The following KANK1 variants were observed in gnomAD, a reference collection of about 807,000 sequenced individuals.
The protein encoded by KANK1 is KN motif and ankyrin repeat domains 1.
KANK1 carries 109 observed loss-of-function variants against 106.2 expected under a neutral mutation model. The ratio of observed to expected loss-of-function variants is 1.03; its 90% CI spans 0.88 to 1.20. KANK1 has a LOEUF of 1.20. Ranked by LOEUF, KANK1 falls within the 50% of genes most tolerant of loss-of-function variation. The probability of loss-of-function intolerance (pLI) is 0.00; values close to 1 mark genes in which losing one functional copy is unlikely to be tolerated. For synonymous variants in KANK1, 873 were observed against 652.2 expected (o/e 1.34, Z -5.16); for missense variants, 2,399 against 1,710.7 (o/e 1.40, Z -7.10).
intron 2 of KANK1, among the ~76,000 whole-genome samples, chr9:682,007 C>T (rs978582401): frequency 5.9e-5 from 9 of 152,032 alleles, no homozygotes; most frequent in African/African-American, 1.2e-4. Flanking sequence ...AGGCTGGGCA[C>T]GGTGGCTTAC....
Position 732,533 on chromosome 9 carries a change from A to C in KANK1, c.3161A>C (p.Asn1054Thr), listed in dbSNP as rs1832599647. The C allele has an allele frequency of 1.2e-6, 2 of 1,614,176 alleles. No homozygotes were observed. Among genetic ancestry groups the C allele is most frequent in the Non-Finnish European group, 1.7e-6 (2 of 1,180,036 alleles). ...ATGGCAGAAGGGCACCATGCAGTTA[A>C]TATTGAAGGTTTGAAGTCTGCCAGG... ...RGMAEGHHAVNIEGLKSARVE... is the reference protein window; with the variant it reads ...RGMAEGHHAVTIEGLKSARVE... The change falls in exon 6 of 12, where the codon AAT becomes ACT. Residue 1054 changes from asparagine (N) to threonine (T), a missense_variant. Asn to Thr is a moderately conservative substitution (Grantham distance 65). Coordinates refer to ENST00000382297, the MANE Select transcript of KANK1 (RefSeq NM_015158.5).
intron 1 of KANK1, among the ~76,000 whole-genome samples, chr9:583,787 A>G (rs913600312): frequency 6.6e-5 from 10 of 151,942 alleles, no homozygotes; most frequent in African/African-American, 2.2e-4. Context: ...ATGAAAAGGT[A>G]TTCCAGATCA....
intron 3 of KANK1, among the ~76,000 whole-genome samples, chr9:722,352 T>A (rs1231922983): frequency 6.6e-6 from 1 of 152,186 alleles, no homozygotes; most frequent in East Asian, 1.9e-4. Flanking sequence ...TGTCTGCCTC[T>A]CTTGCTCTCT....
chr9:679,748 C>T (rs1000267111), intron 2 of KANK1, among the ~76,000 whole-genome samples: 1 of 152,112 alleles, frequency 6.6e-6, no homozygotes, highest in Non-Finnish European at 1.5e-5. Context: ...TGTCTGAAAA[C>T]CAAAACAAAA....
intron 1 of KANK1, among the ~76,000 whole-genome samples, chr9:550,122 G>A (rs546613092): frequency 5.2e-4 from 79 of 152,224 alleles, no homozygotes; most frequent in Non-Finnish European, 8.1e-4. Context: ...TCAGAATCAC[G>A]AGTTACCTGT....
At position 512,249 on chromosome 9, in the gene KANK1, G is replaced by GTGTGTGTGTGTGTA. The variant is rs370159663; in HGVS notation, c.-84+7496_-84+7497insGTGTGTGTGTGTAT. The stretch of plus-strand genomic sequence containing the variant: ...ACCAATAGTGTGTGTGTGTGTGTGT[G>GTGTGTGTGTGTGTA]TATGTATATACACACACACAAGATT... On this transcript the variant is annotated intron_variant, in intron 1 of 11. Coordinates refer to ENST00000382297, the MANE Select transcript of KANK1 (RefSeq NM_015158.5). Among the ~76,000 whole-genome samples the GTGTGTGTGTGTGTA allele has an allele frequency of 3.1e-3, 465 of 149,614 alleles. 2 individuals are homozygous for GTGTGTGTGTGTGTA. Among genetic ancestry groups the GTGTGTGTGTGTGTA allele is most frequent in the Non-Finnish European group, 4.7e-3 (317 of 67,448 alleles).
intron 1 of KANK1, among the ~76,000 whole-genome samples, chr9:555,933 G>C (rs910895148): frequency 6.6e-5 from 10 of 152,122 alleles, no homozygotes; most frequent in Non-Finnish European, 4.4e-5. Flanking sequence ...TCATTAACTT[G>C]TGTAGACAAA....
chr9:669,719 C>T (rs922389746), intron 1 of KANK1, among the ~76,000 whole-genome samples: 1 of 151,940 alleles, frequency 6.6e-6, no homozygotes, highest in East Asian at 1.9e-4. Flanking sequence ...TTATTTGGGT[C>T]AAATCTGTTT....
chr9:629,666 A>T (rs1473335212), intron 1 of KANK1, among the ~76,000 whole-genome samples: 1 of 152,204 alleles, frequency 6.6e-6, no homozygotes. Flanking sequence ...CCCAGAGGAG[A>T]TCTCAAACAA....
chr9:684,067 A>C, intron 2 of KANK1: 1 of 628,846 alleles, frequency 1.6e-6, no homozygotes, highest in Non-Finnish European at 2.0e-6. Context: ...GAATTCACCC[A>C]GCCCCCGGAG....
chr9:745,067 C>CT, intron 11 of KANK1, 106 bp from the exon 12 acceptor site: 1 of 1,538,912 alleles, frequency 6.5e-7, no homozygotes, highest in Non-Finnish European at 8.7e-7. Context: ...GGCTCGGGCT[C>CT]ACAGCTGCTT....
chr9:563,593 T>G (rs146774994), intron 1 of KANK1, among the ~76,000 whole-genome samples: 1 of 152,212 alleles, frequency 6.6e-6, no homozygotes, highest in Non-Finnish European at 1.5e-5. Flanking sequence ...TATGTATGTG[T>G]GTGTCTATAT....
chr9:729,353 A>G (rs1831590519), intron 3 of KANK1, among the ~76,000 whole-genome samples: 2 of 152,190 alleles, frequency 1.3e-5, no homozygotes, highest in Admixed American at 1.3e-4. Flanking sequence ...TCAGGGCAAG[A>G]ACATTGTTAG....
At chr9:663,458 C>T (rs910153365) in intron 1 of KANK1, among the ~76,000 whole-genome samples, 1 of 152,140 alleles carries the variant, frequency 6.6e-6, no homozygotes, top group African/African-American at 2.4e-5. Context: ...TTTTAATGTA[C>T]CTATACCGAG....
intron 1 of KANK1, among the ~76,000 whole-genome samples, chr9:657,034 C>T (rs1165339199): frequency 7.5e-6 from 1 of 132,724 alleles, no homozygotes; most frequent in Non-Finnish European, 1.7e-5. Flanking sequence ...CATCAAACAA[C>T]TCTGTTTCCC....
chr9:633,646 A>C (rs1319156834), intron 1 of KANK1, among the ~76,000 whole-genome samples: 2 of 151,986 alleles, frequency 1.3e-5, no homozygotes, highest in Non-Finnish European at 2.9e-5. Flanking sequence ...CTTACTGTTT[A>C]AATATGTTTT....
intron 1 of KANK1, among the ~76,000 whole-genome samples, chr9:666,103 A>T (rs1192617763): frequency 6.6e-6 from 1 of 152,018 alleles, no homozygotes; most frequent in Non-Finnish European, 1.5e-5. Context: ...ATCGCTTGAG[A>T]CCAAGAAATC....
At chr9:583,601 T>C (rs913672094) in intron 1 of KANK1, among the ~76,000 whole-genome samples, 1 of 151,884 alleles carries the variant, frequency 6.6e-6, no homozygotes, top group African/African-American at 2.4e-5. Context: ...TATGCTTCAG[T>C]TGATTTTGTT....
intron 1 of KANK1, among the ~76,000 whole-genome samples, chr9:652,881 G>A (rs1474198944): frequency 6.6e-6 from 1 of 152,168 alleles, no homozygotes; most frequent in African/African-American, 2.4e-5. Context: ...TAATTTGGAA[G>A]GGATGGGGAA....
Sources: allele counts gnomAD v4.1 joint callset (sites outside exome capture counted in the v4.1 genomes callset), GRCh38; gene constraint gnomAD v4.1.1; transcripts MANE v1.5; gene names NCBI Gene and HGNC (gene_info 2026-07-23, HGNC 2026-07-21).